SMARCAL1: variants seen among roughly 807,000 people sequenced by gnomAD.
SMARCAL1 encodes the protein SNF2 related chromatin remodeling annealing helicase 1.
Under a neutral mutation model 94.5 loss-of-function variants are expected in SMARCAL1, and 58 were observed. The observed-to-expected ratio is 0.61, with a 90% confidence interval of 0.50 to 0.76. The LOEUF is 0.76. Ranked by LOEUF, SMARCAL1 falls within the 30% of genes least tolerant of loss-of-function variation. The probability of loss-of-function intolerance (pLI) is 0.00; values close to 1 mark genes in which losing one functional copy is unlikely to be tolerated. For synonymous variants in SMARCAL1, 422 were observed against 455.1 expected (o/e 0.93, Z 0.93); for missense variants, 1,051 against 1,177.9 (o/e 0.89, Z 1.58).
Position 216,432,757 on chromosome 2 carries a change from C to A in SMARCAL1, c.1374C>A (p.Asp458Glu). ...IAKGGRLLLA[D>E]DMGLGKTIQA... ...AAGGAGGCCGCCTGCTGCTCGCTGA[C>A]GACATGGGCCTGGGGAAGACCATCC... Residue 458 changes from aspartate to glutamate, a missense_variant, in exon 8 of 18, where the codon GAC becomes GAA. Asp to Glu is a conservative substitution (Grantham distance 45). Coordinates refer to ENST00000357276, the MANE Select transcript of SMARCAL1 (RefSeq NM_014140.4). The A allele has an allele frequency of 6.2e-7, 1 of 1,614,162 alleles. No individual in the cohort carries two copies. The highest frequency in any genetic ancestry group is 8.5e-7 in the Non-Finnish European group (1 of 1,180,036).
chr2:216,443,628 C>A (rs1161087943), intron 10 of SMARCAL1, among the ~76,000 whole-genome samples: 4 of 152,130 alleles, frequency 2.6e-5, no homozygotes, highest in Admixed American at 1.3e-4. Context: ...TAGTACTATT[C>A]AGATTTGTGA....
chr2:216,432,890 G>T (rs1693997565), intron 8 of SMARCAL1, 22 bp downstream of exon 8: 4 of 1,614,044 alleles, frequency 2.5e-6, no homozygotes, highest in Admixed American at 1.7e-5. Flanking sequence ...TCAAATTGCA[G>T]TTTTCACAGA....
intron 12 of SMARCAL1, among the ~76,000 whole-genome samples, chr2:216,462,291 G>T (rs1379117686): frequency 6.6e-6 from 1 of 152,082 alleles, no homozygotes; most frequent in Non-Finnish European, 1.5e-5. Context: ...GGTGGGAGGG[G>T]TAGGCTCTCT....
At position 216,446,561 on chromosome 2, in the gene SMARCAL1, C is replaced by T. The variant is rs1029449712; in HGVS notation, c.1711-457C>T. ...AGATCCACTCTGGAGGAAGTTCAGA[C>T]CTGCCACTGTCTTCTCCCACTTCCT... is the stretch of plus-strand genomic sequence containing the variant. On this transcript the variant is annotated intron_variant, in intron 10 of 17. Coordinates refer to ENST00000357276, the MANE Select transcript of SMARCAL1 (RefSeq NM_014140.4). 4 of 400,192 alleles carry T rather than the reference C, an allele frequency of 1.0e-5. No homozygotes were observed. In the East Asian group the frequency reaches 2.9e-4, roughly 29 times the overall value. 24.8% of individuals were successfully genotyped at this position (400,192 alleles called of 1,614,324 possible). A position where few individuals can be genotyped will look rare whatever the true frequency, so the allele number is the denominator to read the frequency against.
chr2:216,480,715 A>G (rs1407345650), intron 17 of SMARCAL1, among the ~76,000 whole-genome samples: 1 of 152,156 alleles, frequency 6.6e-6, no homozygotes, highest in South Asian at 2.1e-4. Flanking sequence ...TACTTCACCA[A>G]TGTGGAGGGA....
intron 12 of SMARCAL1, chr2:216,451,316 G>A (rs910021243): frequency 1.2e-5 from 6 of 499,432 alleles, no homozygotes; most frequent in South Asian, 2.0e-5. Flanking sequence ...ATAAGCACAG[G>A]CAACAGCAGG....
intron 6 of SMARCAL1, among the ~76,000 whole-genome samples, chr2:216,424,549 C>G (rs979466425): frequency 3.9e-5 from 6 of 152,204 alleles, no homozygotes; most frequent in Admixed American, 2.0e-4. Context: ...AGTCATTGGC[C>G]ATCTTCCCTG....
At chr2:216,456,389 A>G (rs1694568268) in intron 12 of SMARCAL1, among the ~76,000 whole-genome samples, 1 of 152,222 alleles carries the variant, frequency 6.6e-6, no homozygotes, top group Non-Finnish European at 1.5e-5. Flanking sequence ...AAGACACATA[A>G]TTGTCAGATT....
chr2:216,473,158 T>G (rs1695002791), intron 14 of SMARCAL1, among the ~76,000 whole-genome samples: 1 of 152,150 alleles, frequency 6.6e-6, no homozygotes, highest in Middle Eastern at 3.4e-3. Context: ...TCCTGCCCCT[T>G]CCCTCACCCT....
At chr2:216,464,515 C>A in intron 12 of SMARCAL1, 82 bp from the exon 13 acceptor site, 2 of 998,440 alleles carry the variant, frequency 2.0e-6, no homozygotes, top group Non-Finnish European at 3.2e-6. Context: ...ATTTGTAAAG[C>A]GCATAGGAGC....
chr2:216,444,796 C>T (rs72948616), intron 10 of SMARCAL1, among the ~76,000 whole-genome samples: 14,679 of 152,208 alleles, frequency 0.096, 882 homozygotes, highest in South Asian at 0.18. Context: ...AGATTGCAGG[C>T]GTGAGCCATC....
At position 216,430,084 on chromosome 2, in the gene SMARCAL1, G is replaced by T. The variant is rs372918231; in HGVS notation, c.1334+1302G>T. Among the ~76,000 whole-genome samples, 11 of 152,138 alleles carry T rather than the reference G, an allele frequency of 7.2e-5. No individual in the cohort carries two copies. In the South Asian group the frequency reaches 2.3e-3, roughly 32 times the overall value. ...TAGCCATCCTTGGGCCCACGTGTTGGGTGCTGGTTTTACCAGTTACCCCAT... is the reference window on the plus strand; with the variant it reads ...TAGCCATCCTTGGGCCCACGTGTTGTGTGCTGGTTTTACCAGTTACCCCAT... On this transcript the variant is annotated intron_variant, in intron 7 of 17. Transcript: ENST00000357276.
intron 12 of SMARCAL1, among the ~76,000 whole-genome samples, chr2:216,457,503 C>T (rs1011896005): frequency 3.3e-5 from 5 of 152,212 alleles, no homozygotes; most frequent in African/African-American, 1.2e-4. Context: ...GACCACAGTG[C>T]AATCAAACTA....
intron 5 of SMARCAL1, among the ~76,000 whole-genome samples, chr2:216,422,619 C>T (rs530509183): frequency 6.6e-6 from 1 of 152,298 alleles, no homozygotes; most frequent in South Asian, 2.1e-4. Context: ...TCTGCATTTA[C>T]GATTAGTCTG....
chr2:216,437,581 T>C (rs753522977), intron 9 of SMARCAL1, among the ~76,000 whole-genome samples: 6 of 152,176 alleles, frequency 3.9e-5, no homozygotes, highest in African/African-American at 9.7e-5. Context: ...TAAGGAATTA[T>C]GATACCCATT....
At chr2:216,457,287 G>C (rs1240581176) in intron 12 of SMARCAL1, among the ~76,000 whole-genome samples, 2 of 152,180 alleles carry the variant, frequency 1.3e-5, no homozygotes, top group Non-Finnish European at 2.9e-5. Context: ...CAACGAGACA[G>C]AAAGTTAACA....
intron 14 of SMARCAL1, among the ~76,000 whole-genome samples, chr2:216,471,794 A>G (rs184692261): frequency 9.1e-4 from 138 of 152,354 alleles, no homozygotes; most frequent in African/African-American, 3.1e-3. Flanking sequence ...AGATTTATAA[A>G]TGAGAATATT....
chr2:216,481,865 T>G (rs555920521), intron 17 of SMARCAL1, among the ~76,000 whole-genome samples: 1 of 152,222 alleles, frequency 6.6e-6, no homozygotes, highest in African/African-American at 2.4e-5. Context: ...TCAGTGGAGA[T>G]ATGGAAAATA....
chr2:216,449,863 A>T (rs1428548515), intron 11 of SMARCAL1, among the ~76,000 whole-genome samples: 1 of 151,254 alleles, frequency 6.6e-6, no homozygotes, highest in Non-Finnish European at 1.5e-5. Flanking sequence ...TTTGAGACAG[A>T]GTCTTGCTCT....
Sources: gnomAD v4.1 joint callset for allele counts (sites outside exome capture counted in the v4.1 genomes callset) on GRCh38, gnomAD v4.1.1 for gene constraint, MANE v1.5 for transcripts, NCBI Gene and HGNC (gene_info 2026-07-23, HGNC 2026-07-21) for gene names.